Variants in CD74 observed in about 807,000 individuals in gnomAD.
CD74 encodes the protein HLA class II histocompatibility antigen gamma chain.
Under a neutral mutation model 37.1 loss-of-function variants are expected in CD74, and 20 were observed. That is an observed-to-expected ratio of 0.54 (90% CI 0.38 to 0.78). The LOEUF is 0.78. Ranked by LOEUF, CD74 falls within the 30% of genes least tolerant of loss-of-function variation. The pLI, the probability that CD74 is intolerant of heterozygous loss-of-function variation, is 0.00. For synonymous variants in CD74, 150 were observed against 152.0 expected, an observed-to-expected ratio of 0.99 and a Z score of 0.10; for missense variants, 338 against 389.5, an observed-to-expected ratio of 0.87 and a Z score of 1.11.
intron 1 of CD74, among the ~76,000 whole-genome samples, chr5:150,411,829 G>A (rs766841561): frequency 6.6e-6 from 1 of 152,164 alleles, no homozygotes; most frequent in Admixed American, 6.5e-5. Context: ...ACAGACACCT[G>A]CAACTATCAT....
At position 150,402,228 on chromosome 5, in the gene CD74, C is replaced by T. The variant is rs1377420973; in HGVS notation, c.*12G>A. On this transcript the variant is annotated 3_prime_UTR_variant, in exon 9 of 9. Transcript: ENST00000009530. The surrounding 1 kb of genome is among the most constrained non-coding windows in gnomAD (Gnocchi z 4.2). ...GGGGCTGGCAGGATGTTGAAGACCG[C>T]CTCTGCTGCTCTCACATGGGGACTG... is the stretch of plus-strand genomic sequence containing the variant. 7 of 1,601,402 alleles carry T rather than the reference C, an allele frequency of 4.4e-6. No individual in the cohort carries two copies. Among genetic ancestry groups the T allele is most frequent in the Non-Finnish European group, 6.0e-6 (7 of 1,174,136 alleles).
intron 1 of CD74, among the ~76,000 whole-genome samples, chr5:150,408,562 G>T (rs1035992032): frequency 6.6e-6 from 1 of 152,210 alleles, no homozygotes; most frequent in African/African-American, 2.4e-5. Context: ...GCCTGAGCCT[G>T]TGTGGCCTGG....
In CD74 at chr5:150,406,910, C is replaced by T. The variant is rs1320012408; in HGVS notation, c.349G>A (p.Ala117Thr). 14 of 1,531,132 alleles carry T rather than the reference C, an allele frequency of 9.1e-6. No individual in the cohort carries two copies. The highest frequency in any genetic ancestry group is 1.0e-5 in the Non-Finnish European group (12 of 1,144,844). The allele number at this position is 1,531,132 out of a possible 1,614,324, so 94.8% of individuals were successfully genotyped here. ...TGGGGCAGGGCTCCCATGGGCAGCG[C>T]CTGCATCAGCAGCGGGGTGGCCATG... is the stretch of plus-strand genomic sequence containing the variant. ...MRMATPLLMQ[A>T]LPMGALPQGP... Residue 117 changes from alanine (A) to threonine (T), a missense_variant, in exon 3 of 9, where the codon GCG becomes ACG. By Grantham distance (58) the Ala-to-Thr change is moderately conservative (BLOSUM62 0). Coordinates refer to ENST00000009530, the MANE Select transcript of CD74 (RefSeq NM_001025159.3).
intron 6 of CD74, 134 bp downstream of exon 6, chr5:150,404,546 G>T: frequency 1.6e-6 from 1 of 611,788 alleles, no homozygotes; most frequent in South Asian, 1.9e-5. Context: ...AAGTGAGAAA[G>T]AAGTGAGAGC....
intron 4 of CD74, 49 bp downstream of exon 4, chr5:150,406,209 AG>A (rs1561552586): frequency 6.8e-7 from 1 of 1,463,550 alleles, no homozygotes. Context: ...TGGCCCGGCC[AG>A]GGTCCTGGGT....
Position 150,407,621 on chromosome 5 carries a change from T to G in CD74, c.126-297A>C, listed in dbSNP as rs1328220390. Among the ~76,000 whole-genome samples, 1 of 152,120 alleles carries G rather than the reference T, an allele frequency of 6.6e-6. No homozygotes were observed. The highest frequency in any genetic ancestry group is 1.5e-5 in the Non-Finnish European group (1 of 68,002). On this transcript the variant is annotated intron_variant, in intron 1 of 8. Coordinates refer to ENST00000009530, the MANE Select transcript of CD74 (RefSeq NM_001025159.3). The surrounding 1 kb of genome is among the most constrained non-coding windows in gnomAD (Gnocchi z 4.4). ...GCAAAGAGGCATGCTCTTTGTCCTC[T>G]CTGGACCTTAGGGTCCTGCCTGTGC...
chr5:150,407,303 C>T lies in CD74; in HGVS notation c.147G>A (p.Leu49=). Residue 49 remains leucine (L), a synonymous_variant, in exon 2 of 9, where the codon CTG becomes CTA. Coordinates refer to ENST00000009530, the MANE Select transcript of CD74 (RefSeq NM_001025159.3). This position sits in a 1 kb window ranked among gnomAD's most constrained non-coding sequence, Gnocchi z 4.4. ...TCACCAGGATGGAAAAGCCTGTGTA[C>T]AGGGCTCCGCGGCTGCACTTGCTGT... is the stretch of plus-strand genomic sequence containing the variant. The part of the protein sequence containing the change: ...APESKCSRGA[L]YTGFSILVTL... 2 of 1,610,334 alleles carry T rather than the reference C, an allele frequency of 1.2e-6. No homozygotes were observed. Among genetic ancestry groups the T allele is most frequent in the East Asian group, 2.2e-5 (1 of 44,740 alleles).
intron 3 of CD74, chr5:150,406,580 G>A (rs1769974386): frequency 3.4e-6 from 2 of 590,650 alleles, no homozygotes; most frequent in Non-Finnish European, 6.1e-6. Flanking sequence ...TATAAATATT[G>A]TCAATGCATG....
Position 150,407,738 on chromosome 5 carries a change from G to GGTTTTT in CD74, c.126-420_126-415dup, listed in dbSNP as rs1358681864. 1.4e-5 allele frequency among the ~76,000 whole-genome samples: 2 copies of GGTTTTT among 146,860 alleles called. No individual in the cohort carries two copies. Among genetic ancestry groups the GGTTTTT allele is most frequent in the Non-Finnish European group, 3.0e-5 (2 of 66,464 alleles). ...GGCTGCCCTCAAGGGGAACAGGTTT[G>GGTTTTT]GTTTTTGTTTTGTTTTGTTTTGTTT... On this transcript the variant is annotated intron_variant, in intron 1 of 8. Transcript: ENST00000009530. The surrounding 1 kb of genome is among the most constrained non-coding windows in gnomAD (Gnocchi z 4.4).
chr5:150,407,956 C>T lies in CD74; in HGVS notation c.126-632G>A, dbSNP rs921766647. On this transcript the variant is annotated intron_variant, in intron 1 of 8. Transcript: ENST00000009530. The surrounding 1 kb of genome is among the most constrained non-coding windows in gnomAD (Gnocchi z 4.4). Reference sequence around the variant, plus strand: ...ATTTTTGATAGAGACGGGGTTTCACCGTGGTCTCGATCTCCTGATCTCGTG... The same window carrying T: ...ATTTTTGATAGAGACGGGGTTTCACTGTGGTCTCGATCTCCTGATCTCGTG... Among the ~76,000 whole-genome samples, 3 of 151,984 alleles carry T rather than the reference C, an allele frequency of 2.0e-5. No homozygotes were observed. Among genetic ancestry groups the T allele is most frequent in the African/African-American group, 7.2e-5 (3 of 41,386 alleles).
At chr5:150,406,390 G>A in intron 3 of CD74, 69 bp from the exon 4 acceptor site, 1 of 1,266,146 alleles carries the variant, frequency 7.9e-7, no homozygotes, top group Non-Finnish European at 1.2e-6. Flanking sequence ...GCAGGAGCCG[G>A]TTGCTGGGAT....
chr5:150,409,721 AAC>A lies in CD74; in HGVS notation c.126-2399_126-2398del, dbSNP rs1166160791. 1.1e-3 allele frequency among the ~76,000 whole-genome samples: 144 copies of A among 126,680 alleles called. 2 individuals carry two copies. In the East Asian group the frequency reaches 0.02, roughly 18 times the overall value. The allele number at this position is 126,680 out of a possible 152,430, so 83.1% of individuals were successfully genotyped here. On this transcript the variant is annotated intron_variant, in intron 1 of 8. Transcript: ENST00000009530. ...AAACATAACAAAAAAAAAAAAAAAA[AAC>A]AAGAAAGCCCCTCCAGAACTGTGAG...
At chr5:150,410,637 C>A (rs949412078) in intron 1 of CD74, among the ~76,000 whole-genome samples, 3 of 151,452 alleles carry the variant, frequency 2.0e-5, no homozygotes, top group African/African-American at 7.3e-5. Context: ...CTCTTGTCAC[C>A]CCCCTCTTTA....
In CD74 at chr5:150,406,278, T is replaced by C; in HGVS notation, c.422A>G (p.His141Arg). Residue 141 changes from histidine (H) to arginine (R), a missense_variant, in exon 4 of 9, where the codon CAT becomes CGT. Physicochemically the swap from His to Arg is conservative, Grantham distance 29. Coordinates refer to ENST00000009530, the MANE Select transcript of CD74 (RefSeq NM_001025159.3). ...ACTCACCTGGAGCAGGTGCATCACATGGTCCTCTGTCATGTTGCCATACTT... is the reference window on the plus strand; with the variant it reads ...ACTCACCTGGAGCAGGTGCATCACACGGTCCTCTGTCATGTTGCCATACTT... ...ATKYGNMTED[H>R]VMHLLQNADP... The C allele has an allele frequency of 6.2e-7, 1 of 1,613,896 alleles. No homozygotes were observed. Among genetic ancestry groups the C allele is most frequent in the Non-Finnish European group, 8.5e-7 (1 of 1,179,882 alleles).
chr5:150,407,517 C>T lies in CD74; in HGVS notation c.126-193G>A, dbSNP rs1167305325. ...GCTTGAAGACCTCACCCCACCCCTCCTTCCAACCATCGATGTGCCTGAAGT... is the reference window on the plus strand; with the variant it reads ...GCTTGAAGACCTCACCCCACCCCTCTTTCCAACCATCGATGTGCCTGAAGT... On this transcript the variant is annotated intron_variant, in intron 1 of 8. Transcript: ENST00000009530. This position sits in a 1 kb window ranked among gnomAD's most constrained non-coding sequence, Gnocchi z 4.4. Among the ~76,000 whole-genome samples the T allele has an allele frequency of 6.6e-6, 1 of 152,202 alleles. No individual in the cohort carries two copies. Among genetic ancestry groups the T allele is most frequent in the Non-Finnish European group, 1.5e-5 (1 of 68,042 alleles).
Position 150,402,276 on chromosome 5 carries a change from G to T in CD74, c.881-26C>A, listed in dbSNP as rs755364997. On this transcript the variant is annotated intron_variant, in intron 8 of 8. Coordinates refer to ENST00000009530, the MANE Select transcript of CD74 (RefSeq NM_001025159.3). This position sits in a 1 kb window ranked among gnomAD's most constrained non-coding sequence, Gnocchi z 4.2. ...CTGGAGAGAGAAGCAGCAGGTTGAG[G>T]TTGGGGTCACCCATTTGTTGTCCCT... The T allele has an allele frequency of 1.3e-5, 20 of 1,552,690 alleles. No individual in the cohort carries two copies. Among genetic ancestry groups the T allele is most frequent in the Non-Finnish European group, 1.7e-5 (19 of 1,132,340 alleles).
rs781091446 is a variant in CD74, at chr5:150,407,005, G to A, written c.299-45C>T. ...GGTAAGTGTGGCCCCGGTGCCCAGG[G>A]AGGAGGGTATCAGACCCAGATGAGG... On this transcript the variant is annotated intron_variant, in intron 2 of 8. Transcript: ENST00000009530. This position sits in a 1 kb window ranked among gnomAD's most constrained non-coding sequence, Gnocchi z 4.4. 3 of 1,550,482 alleles carry A rather than the reference G, an allele frequency of 1.9e-6. No homozygotes were observed. In the Admixed American group the frequency reaches 6.1e-5, roughly 32 times the overall value.
chr5:150,409,249 G>A (rs569695271), intron 1 of CD74, among the ~76,000 whole-genome samples: 3 of 151,228 alleles, frequency 2.0e-5, no homozygotes, highest in Admixed American at 6.6e-5. Context: ...AAGCTAGGCC[G>A]GGCGCGGTGG....
At chr5:150,404,591 G>A (rs1769836852) in intron 6 of CD74, 89 bp downstream of exon 6, 4 of 715,106 alleles carry the variant, frequency 5.6e-6, no homozygotes, top group African/African-American at 5.3e-5. Context: ...GCTGGGACCA[G>A]GGAGTGCTGG....
Sources: gnomAD v4.1 joint callset for allele counts (sites outside exome capture counted in the v4.1 genomes callset) on GRCh38, gnomAD v4.1.1 for gene constraint, Gnocchi (gnomAD v3.1) non-coding constraint, MANE v1.5 for transcripts, NCBI Gene and HGNC (gene_info 2026-07-23, HGNC 2026-07-21) for gene names.